CGGBP1: variants seen among roughly 807,000 people sequenced by gnomAD.
CGGBP1 encodes the protein CGG triplet repeat binding protein 1.
A neutral mutation model predicts 11.4 loss-of-function variants in CGGBP1; 4 were observed. That is an observed-to-expected ratio of 0.35 (90% CI 0.17 to 0.80). CGGBP1 has a LOEUF of 0.80. Among genes scored for constraint, CGGBP1 ranks in the 30% least tolerant of loss-of-function variants. The pLI, the probability that CGGBP1 is intolerant of heterozygous loss-of-function variation, is 0.52. For synonymous variants in CGGBP1, 76 were observed against 74.1 expected (o/e 1.03, Z -0.13); for missense variants, 135 against 202.1 (o/e 0.67, Z 2.01).
chr3:88,061,611 G>A (rs1263625921), upstream of CGGBP1, among the ~76,000 whole-genome samples: 1 of 152,044 alleles, frequency 6.6e-6, no homozygotes, highest in Non-Finnish European at 1.5e-5. Flanking sequence ...TTATATTAAA[G>A]CTTTTAGATG....
upstream of CGGBP1, among the ~76,000 whole-genome samples, chr3:88,059,922 C>G (rs1228153076): frequency 6.6e-6 from 1 of 152,048 alleles, no homozygotes; most frequent in Non-Finnish European, 1.5e-5. Context: ...GATTGCCCCC[C>G]GTGTTCTCCC....
chr3:88,137,926 A>G (rs1054416863), intron 2 of CGGBP1, among the ~76,000 whole-genome samples: 2 of 152,138 alleles, frequency 1.3e-5, no homozygotes, highest in African/African-American at 4.8e-5. Flanking sequence ...TAAAGACATT[A>G]TTATGGTGTC....
intron 2 of CGGBP1, among the ~76,000 whole-genome samples, chr3:88,090,574 A>T (rs1305878164): frequency 1.6e-4 from 25 of 152,154 alleles, no homozygotes; most frequent in African/African-American, 4.8e-4. Flanking sequence ...AAAGAAAAAA[A>T]TTTTTATAAG....
At chr3:88,149,772 G>A (rs376237949) in exon 1 of CGGBP1, 1 of 273,704 alleles carries the variant, frequency 3.7e-6, no homozygotes, top group Non-Finnish European at 7.1e-6. Context: ...TCGGTAACCA[G>A]CTCCCTTGCG....
chr3:88,131,771 T>A (rs774921612), intron 2 of CGGBP1, among the ~76,000 whole-genome samples: 9 of 152,152 alleles, frequency 5.9e-5, no homozygotes, highest in Non-Finnish European at 8.8e-5. Flanking sequence ...ACCTCTTTTC[T>A]ATATTTCTGA....
At chr3:88,062,609 C>T (rs1706948745), upstream of CGGBP1, among the ~76,000 whole-genome samples, 1 of 152,044 alleles carries the variant, frequency 6.6e-6, no homozygotes. Context: ...AATTTTTTGT[C>T]ATAAATTGAT....
rs1706509530 is a variant in CGGBP1 at position 88,054,995 on chromosome 3, AAC to A, written c.*476_*477del. Reference sequence around the variant, plus strand: ...TCTGCTAGGGATCTGAAGATATAAGAACAGTTTTCCACTATCTCCCTTCCTTT... The same window carrying A: ...TCTGCTAGGGATCTGAAGATATAAGAAGTTTTCCACTATCTCCCTTCCTTT... On this transcript the variant is annotated 3_prime_UTR_variant, in exon 4 of 4. Transcript: ENST00000482016. 1.3e-5 allele frequency: 1 copy of A among 76,940 alleles called. No homozygotes were observed. The highest frequency in any genetic ancestry group is 1.6e-4 in the Admixed American group (1 of 6,322). 4.8% of individuals were successfully genotyped at this position (76,940 alleles called of 1,614,324 possible).
chr3:88,074,283 G>A (rs1447320160), intron 2 of CGGBP1, among the ~76,000 whole-genome samples: 3 of 151,904 alleles, frequency 2.0e-5, no homozygotes, highest in Non-Finnish European at 4.4e-5. Flanking sequence ...CTGATTGGGA[G>A]TGGCTTCTTT....
upstream of CGGBP1, among the ~76,000 whole-genome samples, chr3:88,060,207 G>A (rs1242421934): frequency 6.6e-6 from 1 of 151,736 alleles, no homozygotes; most frequent in East Asian, 1.9e-4. Flanking sequence ...CTCTTGCTCC[G>A]GTTAACATCA....
At chr3:88,074,712 C>T (rs1217317884) in intron 2 of CGGBP1, among the ~76,000 whole-genome samples, 2 of 152,116 alleles carry the variant, frequency 1.3e-5, no homozygotes, top group East Asian at 3.9e-4. Context: ...ACCCAATACC[C>T]ATTAAATTTA....
intron 2 of CGGBP1, among the ~76,000 whole-genome samples, chr3:88,130,514 C>T (rs760227286): frequency 6.6e-6 from 1 of 151,778 alleles, no homozygotes; most frequent in Non-Finnish European, 1.5e-5. Context: ...TACAGTGGTG[C>T]GATCATGGCT....
intron 2 of CGGBP1, among the ~76,000 whole-genome samples, chr3:88,101,495 A>G (rs1376413644): frequency 6.6e-6 from 1 of 152,134 alleles, no homozygotes; most frequent in Non-Finnish European, 1.5e-5. Context: ...AATGTTCTTG[A>G]GGTTTACCTA....
chr3:88,064,034 T>C, upstream of CGGBP1, among the ~76,000 whole-genome samples: 1 of 152,192 alleles, frequency 6.6e-6, no homozygotes, highest in East Asian at 1.9e-4. Context: ...TTTTGTTTCT[T>C]TGATCAACAC....
chr3:88,062,827 A>G (rs1706963275), upstream of CGGBP1, among the ~76,000 whole-genome samples: 1 of 152,222 alleles, frequency 6.6e-6, no homozygotes, highest in Non-Finnish European at 1.5e-5. Context: ...TTAGTATTGT[A>G]CGTAGCACAC....
At chr3:88,082,205 C>T (rs1708114440) in intron 2 of CGGBP1, among the ~76,000 whole-genome samples, 1 of 151,722 alleles carries the variant, frequency 6.6e-6, no homozygotes, top group Admixed American at 6.6e-5. Context: ...TGGCTCACTG[C>T]AACCTCTGCC....
chr3:88,095,591 T>C, intron 2 of CGGBP1: 1 of 521,842 alleles, frequency 1.9e-6, no homozygotes, highest in East Asian at 5.5e-5. Context: ...CACAGGAATC[T>C]GTTGCCCCAA....
intron 2 of CGGBP1, among the ~76,000 whole-genome samples, chr3:88,109,084 A>G (rs114959069): frequency 0.019 from 2,816 of 151,424 alleles, 95 homozygotes; most frequent in African/African-American, 0.064. Flanking sequence ...CGTGGTTTCA[A>G]GCATCCAGTG....
chr3:88,058,436 C>T (rs1360040270), intron 1 of CGGBP1, among the ~76,000 whole-genome samples: 4 of 152,194 alleles, frequency 2.6e-5, no homozygotes, highest in Non-Finnish European at 5.9e-5. Context: ...CTCCAGCTCC[C>T]CAGGCCCGGG....
intron 2 of CGGBP1, chr3:88,086,189 T>C: frequency 7.0e-7 from 1 of 1,426,384 alleles, no homozygotes; most frequent in African/African-American, 1.4e-5. Context: ...GTAACTTTTA[T>C]GCAAATTTTT....
Sources: allele counts gnomAD v4.1 joint callset (sites outside exome capture counted in the v4.1 genomes callset), GRCh38; gene constraint gnomAD v4.1.1; transcripts MANE v1.5; gene names NCBI Gene and HGNC (gene_info 2026-07-23, HGNC 2026-07-21).